Variants in RTL1 observed in about 807,000 individuals in gnomAD.
The protein encoded by RTL1 is retrotransposon-like protein 1.
For synonymous variants in RTL1, 727 were observed against 748.4 expected, an observed-to-expected ratio of 0.97 and a Z score of 0.47; for missense variants, 1,681 against 1,767.5, an observed-to-expected ratio of 0.95 and a Z score of 0.88.
In RTL1 at chr14:100,880,302, C is replaced by T. The variant is rs1453082884; in HGVS notation, c.*410G>A. On this transcript the variant is annotated 3_prime_UTR_variant, in exon 4 of 4. Transcript: ENST00000649591. Reference sequence around the variant, plus strand: ...AGTGGAGCACCCGAGGTCAGTGTCCCAGGGTGGCCATCACCAGGCCGGGTG... The same window carrying T: ...AGTGGAGCACCCGAGGTCAGTGTCCTAGGGTGGCCATCACCAGGCCGGGTG... Among the ~76,000 whole-genome samples, 2 of 151,928 alleles carry T rather than the reference C, an allele frequency of 1.3e-5. No individual in the cohort carries two copies. Among genetic ancestry groups the T allele is most frequent in the East Asian group, 1.9e-4 (1 of 5,158 alleles).
intron 3 of RTL1, among the ~76,000 whole-genome samples, chr14:100,887,707 G>C (rs978520067): frequency 6.6e-6 from 1 of 151,790 alleles, no homozygotes; most frequent in African/African-American, 2.4e-5. Flanking sequence ...CCGAGATTGC[G>C]CCGCTGCACT....
intron 3 of RTL1, among the ~76,000 whole-genome samples, chr14:100,890,164 C>T (rs1424006168): frequency 6.6e-6 from 1 of 151,126 alleles, no homozygotes; most frequent in Non-Finnish European, 1.5e-5. Context: ...GGACCCTCTT[C>T]CCCCCAACAC....
At position 100,884,795 on chromosome 14, in the gene RTL1, G is replaced by A. The variant is rs765145897; in HGVS notation, c.-7C>T. 1.5e-5 allele frequency: 24 copies of A among 1,550,044 alleles called. No individual in the cohort carries two copies. The highest frequency in any genetic ancestry group is 9.6e-5 in the African/African-American group (7 of 72,620). The stretch of plus-strand genomic sequence containing the variant: ...CTTCAGAGGGTTCTATCATTTCGTC[G>A]GATGGAAAGGAGTGTATTCTGAAGA... On this transcript the variant is annotated 5_prime_UTR_variant, in exon 4 of 4. Coordinates refer to ENST00000649591, the MANE Select transcript of RTL1 (RefSeq NM_001134888.3).
intron 2 of RTL1, among the ~76,000 whole-genome samples, chr14:100,899,822 C>A (rs577124896): frequency 7.2e-4 from 109 of 152,246 alleles, no homozygotes; most frequent in African/African-American, 2.5e-3. Flanking sequence ...CAGTACCCAG[C>A]AAAACTCGGT....
At position 100,880,811 on chromosome 14, in the gene RTL1, G is replaced by A; in HGVS notation, c.3978C>T (p.Tyr1326=). The A allele has an allele frequency of 6.4e-7, 1 of 1,550,714 alleles. No individual in the cohort carries two copies. The highest frequency in any genetic ancestry group is 8.7e-7 in the Non-Finnish European group (1 of 1,146,974). Residue 1326 remains tyrosine (Y), a synonymous_variant, in exon 4 of 4, where the codon TAC becomes TAT. Transcript: ENST00000649591. ...RALSQFLTLI[Y]RRALPIPAWE... ...AGGCGGGGATGGGCAGGGCCCGCCT[G>A]TAGATCAGGGTCAGGAACTGGCTCA...
chr14:100,890,074 G>GAA (rs55688942), intron 3 of RTL1, among the ~76,000 whole-genome samples: 12,087 of 123,822 alleles, frequency 0.098, 699 homozygotes, highest in East Asian at 0.13. Flanking sequence ...CGCCTTATTT[G>GAA]AAAAAAAAAA....
At position 100,881,579 on chromosome 14, in the gene RTL1, G is replaced by A. The variant is rs2038614273; in HGVS notation, c.3210C>T (p.Ala1070=). ...AGTGCAGAATGACGGCCCTGATCTG[G>A]GCCATGCTGAAGTGGGCGAGGAAGC... ...LNSFLAHFSM[A]QIRAVILHFF... Residue 1070 remains alanine, a synonymous_variant, in exon 4 of 4, where the codon GCC becomes GCT. Transcript: ENST00000649591. This position sits in a 1 kb window ranked among gnomAD's most constrained non-coding sequence, Gnocchi z 6.6. The A allele has an allele frequency of 4.5e-6, 7 of 1,551,782 alleles. No individual in the cohort carries two copies. In the East Asian group the frequency reaches 1.7e-4, roughly 38 times the overall value.
Position 100,883,319 on chromosome 14 carries a change from G to A in RTL1, c.1470C>T (p.Ile490=), listed in dbSNP as rs1017585854. 1 of 1,551,244 alleles carries A rather than the reference G, an allele frequency of 6.4e-7. No individual in the cohort carries two copies. Among genetic ancestry groups the A allele is most frequent in the Non-Finnish European group, 8.7e-7 (1 of 1,146,820 alleles). Reference sequence around the variant, plus strand: ...TCGGTGAAGGTACGATGTCAAATTCGATGGACTCCTGGTGGTTCTGGTGGA... The same window carrying A: ...TCGGTGAAGGTACGATGTCAAATTCAATGGACTCCTGGTGGTTCTGGTGGA... The part of the protein sequence containing the change: ...VCIHQNHQES[I]EFDIVPSPNF... Residue 490 remains isoleucine, a synonymous_variant, in exon 4 of 4, where the codon ATC becomes ATT. Coordinates refer to ENST00000649591, the MANE Select transcript of RTL1 (RefSeq NM_001134888.3). This position sits in a 1 kb window ranked among gnomAD's most constrained non-coding sequence, Gnocchi z 5.9.
chr14:100,887,364 G>A (rs2038708844), intron 3 of RTL1, among the ~76,000 whole-genome samples: 1 of 152,122 alleles, frequency 6.6e-6, no homozygotes, highest in Non-Finnish European at 1.5e-5. Context: ...ATGAGATAAG[G>A]TCTAATTATT....
intron 3 of RTL1, among the ~76,000 whole-genome samples, chr14:100,890,895 G>T (rs1193318167): frequency 6.6e-6 from 1 of 152,172 alleles, no homozygotes; most frequent in African/African-American, 2.4e-5. Context: ...CCCTGGGAGG[G>T]TTTGTTATTA....
chr14:100,882,830 C>G lies in RTL1; in HGVS notation c.1959G>C (p.Leu653=), dbSNP rs1158549823. 3.2e-6 allele frequency: 5 copies of G among 1,552,810 alleles called. No homozygotes were observed. Among genetic ancestry groups the G allele is most frequent in the Non-Finnish European group, 4.4e-6 (5 of 1,147,368 alleles). Residue 653 remains leucine, a synonymous_variant, in exon 4 of 4, where the codon CTG becomes CTC. Transcript: ENST00000649591. ...ACTCGGCTCCGTGTAACTGGTCAAACAGTTCCGGAATCATCTGTATGTAGT... is the reference window on the plus strand; with the variant it reads ...ACTCGGCTCCGTGTAACTGGTCAAAGAGTTCCGGAATCATCTGTATGTAGT... ...RQDYIQMIPE[L]FDQLHGAEWF... is the part of the protein sequence containing the mutation.
At position 100,900,187 on chromosome 14, in the gene RTL1, G is replaced by A. The variant is rs1595346611; in HGVS notation, c.-149+3104C>T. Among the ~76,000 whole-genome samples the A allele has an allele frequency of 2.0e-5, 3 of 152,248 alleles. No individual in the cohort carries two copies. In the South Asian group the frequency reaches 6.2e-4, roughly 32 times the overall value. ...GACTTTGGCAAGGGTCACTCGGAAGGAACAGTGGTTACAGTCTCCAGAGGT... is the reference window on the plus strand; with the variant it reads ...GACTTTGGCAAGGGTCACTCGGAAGAAACAGTGGTTACAGTCTCCAGAGGT... On this transcript the variant is annotated intron_variant, in intron 2 of 3. Transcript: ENST00000649591.
intron 2 of RTL1, chr14:100,897,942 T>TTA (rs751357960): frequency 1.9e-6 from 1 of 517,064 alleles, no homozygotes; most frequent in South Asian, 1.4e-5. Context: ...GAGACAGTGT[T>TTA]TATGAACAAA....
chr14:100,881,848 C>T lies in RTL1; in HGVS notation c.2941G>A (p.Val981Ile), dbSNP rs765310455. Residue 981 changes from valine to isoleucine, a missense_variant, in exon 4 of 4, where the codon GTC (valine) becomes ATC (isoleucine). Physicochemically the swap from Val to Ile is conservative, Grantham distance 29. Transcript: ENST00000649591. The surrounding 1 kb of genome is among the most constrained non-coding windows in gnomAD (Gnocchi z 6.6). ...CCGTCTTGTTCTGGCAGCTCCATGACGTCAAAGTTGAAGTGGGAGAAGAAG... is the reference window on the plus strand; with the variant it reads ...CCGTCTTGTTCTGGCAGCTCCATGATGTCAAAGTTGAAGTGGGAGAAGAAG... ...VFFFSHFNFD[V>I]MELPEQDGGR... is the part of the protein sequence containing the mutation. The T allele has an allele frequency of 3.7e-6, 6 of 1,613,834 alleles. No homozygotes were observed. The highest frequency in any genetic ancestry group is 2.2e-5 in the East Asian group (1 of 44,868).
intron 2 of RTL1, among the ~76,000 whole-genome samples, chr14:100,896,556 G>A (rs150199707): frequency 3.2e-4 from 49 of 151,836 alleles, no homozygotes; most frequent in African/African-American, 8.2e-4. Context: ...AGCCTGTGAC[G>A]GCTGCAGGGG....
At chr14:100,887,707 G>A (rs978520067) in intron 3 of RTL1, among the ~76,000 whole-genome samples, 6 of 151,788 alleles carry the variant, frequency 4.0e-5, no homozygotes, top group African/African-American at 9.7e-5. Context: ...CCGAGATTGC[G>A]CCGCTGCACT....
In RTL1 at chr14:100,893,900, G is replaced by A. The variant is rs945664481; in HGVS notation, c.-148-395C>T. Among the ~76,000 whole-genome samples the A allele has an allele frequency of 6.6e-6, 1 of 152,224 alleles. No homozygotes were observed. Among genetic ancestry groups the A allele is most frequent in the Non-Finnish European group, 1.5e-5 (1 of 68,048 alleles). Reference sequence around the variant, plus strand: ...GGCAAGGACTAAGTCCAGCCAGAGCGTCAGCCTCGCTGGCGTCCTCACTGG... The same window carrying A: ...GGCAAGGACTAAGTCCAGCCAGAGCATCAGCCTCGCTGGCGTCCTCACTGG... On this transcript the variant is annotated intron_variant, in intron 2 of 3. Transcript: ENST00000649591. This position sits in a 1 kb window ranked among gnomAD's most constrained non-coding sequence, Gnocchi z 4.2.
At chr14:100,899,877 C>A (rs983374369) in intron 2 of RTL1, among the ~76,000 whole-genome samples, 1 of 152,248 alleles carries the variant, frequency 6.6e-6, no homozygotes, top group African/African-American at 2.4e-5. Context: ...AACCCCCTCC[C>A]TGAGACGGGC....
intron 3 of RTL1, chr14:100,889,784 CA>C (rs34161508): frequency 0.15 from 22,481 of 152,018 alleles, 2,297 homozygotes; most frequent in Middle Eastern, 0.3. Context: ...GAAGCAGGGC[CA>C]GGGGGTTCCC....
Sources: allele counts gnomAD v4.1 joint callset (sites outside exome capture counted in the v4.1 genomes callset), GRCh38; gene constraint gnomAD v4.1.1; non-coding constraint Gnocchi (gnomAD v3.1); transcripts MANE v1.5; gene names NCBI Gene and HGNC (gene_info 2026-07-23, HGNC 2026-07-21).